Variants in EPGN observed in about 807,000 individuals in gnomAD.
EPGN encodes epithelial mitogen, also known as epigen.
Under a neutral mutation model 20.7 loss-of-function variants are expected in EPGN, and 21 were observed. The observed-to-expected ratio is 1.01, with a 90% CI of 0.72 to 1.46. The LOEUF is 1.46. Ranked by LOEUF, EPGN falls within the 40% of genes most tolerant of loss-of-function variation. The pLI is 0.00. For synonymous variants in EPGN, 69 were observed against 63.8 expected (o/e 1.08, Z -0.39); for missense variants, 199 against 180.7 (o/e 1.10, Z -0.58).
At position 74,314,349 on chromosome 4, in the gene EPGN, C is replaced by T. The variant is rs867988794; in HGVS notation, c.408-231C>T. Reference sequence around the variant, plus strand: ...GGGGTAAGGAACAGGGGCTTGTAATCTCCCAGCAATCTCCTGGCAGGGCAC... The same window carrying T: ...GGGGTAAGGAACAGGGGCTTGTAATTTCCCAGCAATCTCCTGGCAGGGCAC... On this transcript the variant is annotated intron_variant, in intron 4 of 4. Coordinates refer to ENST00000413830, the MANE Select transcript of EPGN (RefSeq NM_001270989.2). The T allele has an allele frequency of 6.8e-6, 4 of 586,092 alleles. No individual in the cohort carries two copies. The Middle Eastern group carries it at 1.3e-3, about 184-fold the overall frequency. 36.3% of individuals were successfully genotyped at this position (586,092 alleles called of 1,614,324 possible).
At position 74,310,461 on chromosome 4, in the gene EPGN, C is replaced by CAAAAA. The variant is rs10586282; in HGVS notation, c.133+1299_133+1303dup. On this transcript the variant is annotated intron_variant, in intron 2 of 4. Coordinates refer to ENST00000413830, the MANE Select transcript of EPGN (RefSeq NM_001270989.2). ...GGGGTGACAGAGTGAGAGTCCGTCT[C>CAAAAA]AAAAAAAAAAAAAAAAAAAAAAAAG... Among the ~76,000 whole-genome samples, 192 of 43,138 alleles carry CAAAAA rather than the reference C, an allele frequency of 4.5e-3. 2 individuals are homozygous for CAAAAA. The highest frequency in any genetic ancestry group is 8.8e-3 in the Non-Finnish European group (138 of 15,680). The allele number at this position is 43,138 out of a possible 152,430, so 28.3% of individuals were successfully genotyped here. A position where few individuals can be genotyped will look rare whatever the true frequency, so the allele number is the denominator to read the frequency against.
intron 3 of EPGN, 29 bp from the exon 4 acceptor site, chr4:74,312,989 A>T (rs772540254): frequency 3.5e-5 from 54 of 1,544,756 alleles, no homozygotes; most frequent in Non-Finnish European, 4.4e-6. Flanking sequence ...CGTAGGTTTT[A>T]AAATTAAACT....
Position 74,313,084 on chromosome 4 carries a change from T to C in EPGN, c.321T>C (p.Ser107=). ...CTTTAACTTCATATGCTGTGGATTC[T>C]TATGAAAAATACATTGCAATTGGGA... ...HLTLTSYAVD[S]YEKYIAIGIG... The change falls in exon 4 of 5, where the codon TCT becomes TCC. Residue 107 remains serine (S), a synonymous_variant. Transcript: ENST00000413830. The C allele has an allele frequency of 6.2e-7, 1 of 1,613,452 alleles. No individual in the cohort carries two copies. Among genetic ancestry groups the C allele is most frequent in the Non-Finnish European group, 8.5e-7 (1 of 1,179,678 alleles).
At chr4:74,310,661 G>T (rs550233502) in intron 2 of EPGN, among the ~76,000 whole-genome samples, 2 of 151,882 alleles carry the variant, frequency 1.3e-5, no homozygotes, top group African/African-American at 4.8e-5. Context: ...GTCATCCTCC[G>T]TTATTGGTTG....
At position 74,314,585 on chromosome 4, in the gene EPGN, T is replaced by C. The variant is rs1347915505; in HGVS notation, c.413T>C (p.Leu138Pro). The change falls in exon 5 of 5, where the codon CTA becomes CCA. Residue 138 changes from leucine (L) to proline (P), a missense_variant. Leu to Pro is a moderately conservative substitution (Grantham distance 98, BLOSUM62 -3). Coordinates refer to ENST00000413830, the MANE Select transcript of EPGN (RefSeq NM_001270989.2). The stretch of plus-strand genomic sequence containing the variant: ...AAACCAATGCTCTGTTTCAGGTGTC[T>C]AAAATTGAAATCGCCTTACAATGTC... ...IFYCYIRKRC[L>P]KLKSPYNVCS... 6.5e-7 allele frequency: 1 copy of C among 1,536,052 alleles called. No homozygotes were observed. Among genetic ancestry groups the C allele is most frequent in the East Asian group, 2.4e-5 (1 of 40,918 alleles).
chr4:74,316,707 A>G lies in EPGN; in HGVS notation c.*2070A>G, dbSNP rs1167667370. ...CTTCCTGAGTATTTCAAAAAGATGT[A>G]AAAGAGCTGGGGAGAGTATGGGAAG... On this transcript the variant is annotated 3_prime_UTR_variant, in exon 5 of 5. Transcript: ENST00000413830. Among the ~76,000 whole-genome samples the G allele has an allele frequency of 6.6e-6, 1 of 152,182 alleles. No individual in the cohort carries two copies. The highest frequency in any genetic ancestry group is 1.5e-5 in the Non-Finnish European group (1 of 68,028).
At chr4:74,310,480 AAAAAAG>A (rs1750860659) in intron 2 of EPGN, among the ~76,000 whole-genome samples, 1 of 151,402 alleles carries the variant, frequency 6.6e-6, no homozygotes, top group Admixed American at 6.6e-5. Flanking sequence ...AAAAAAAAAA[AAAAAAG>A]AAGATAATAT....
At chr4:74,310,232 C>A (rs1040524997) in intron 2 of EPGN, among the ~76,000 whole-genome samples, 1 of 151,806 alleles carries the variant, frequency 6.6e-6, no homozygotes, top group African/African-American at 2.4e-5. Flanking sequence ...GAGGCCAAGG[C>A]GGGCAGATCA....
rs1367553173 is a variant in EPGN at position 74,314,843 on chromosome 4, G to A, written c.*206G>A. ...GGAGTGATGGAAGCCAAGTGAACAA[G>A]CCTCAGTGACACAAGTCAAATTCAT... On this transcript the variant is annotated 3_prime_UTR_variant, in exon 5 of 5. Transcript: ENST00000413830. 3 of 567,870 alleles carry A rather than the reference G, an allele frequency of 5.3e-6. No individual in the cohort carries two copies. The highest frequency in any genetic ancestry group is 3.8e-5 in the African/African-American group (2 of 52,714). 35.2% of individuals were successfully genotyped at this position (567,870 alleles called of 1,614,324 possible).
In EPGN at chr4:74,315,690, G is replaced by A. The variant is rs971806065; in HGVS notation, c.*1053G>A. On this transcript the variant is annotated 3_prime_UTR_variant, in exon 5 of 5. Coordinates refer to ENST00000413830, the MANE Select transcript of EPGN (RefSeq NM_001270989.2). ...ATCCAGGCCAGGCGTGGTGGTTCAC[G>A]CCTGTAATCCTAGCACTTTGGGAGG... 3.9e-5 allele frequency among the ~76,000 whole-genome samples: 6 copies of A among 152,208 alleles called. No homozygotes were observed. Among genetic ancestry groups the A allele is most frequent in the Non-Finnish European group, 5.9e-5 (4 of 68,012 alleles).
intron 2 of EPGN, among the ~76,000 whole-genome samples, chr4:74,310,729 T>C (rs1379420290): frequency 1.3e-5 from 2 of 152,146 alleles, no homozygotes; most frequent in African/African-American, 4.8e-5. Flanking sequence ...CCACAGATGC[T>C]CAAATCCCTT....
chr4:74,308,889 G>T (rs934611323), intron 1 of EPGN, among the ~76,000 whole-genome samples: 1 of 151,966 alleles, frequency 6.6e-6, no homozygotes, highest in Non-Finnish European at 1.5e-5. Context: ...CTTAAATATT[G>T]GGTTTTTATT....
At chr4:74,310,076 A>G (rs1750802449) in intron 2 of EPGN, among the ~76,000 whole-genome samples, 3 of 152,214 alleles carry the variant, frequency 2.0e-5, no homozygotes, top group South Asian at 4.1e-4. Context: ...AACGAAATCA[A>G]TGTGGGTTAT....
At position 74,309,104 on chromosome 4, in the gene EPGN, C is replaced by T. The variant is rs1212446205; in HGVS notation, c.55C>T (p.Leu19=). The part of the protein sequence containing the change: ...VYLLFNAMTA[L]TEEAAVTVTP... The stretch of plus-strand genomic sequence containing the variant: ...CCCCCTTAATACAGCAATGACAGCA[C>T]TGACCGAAGAGGCAGCCGTGACTGT... The change falls in exon 2 of 5, where the codon CTG becomes TTG. Residue 19 remains leucine (L), a synonymous_variant. Transcript: ENST00000413830. 3 of 1,613,108 alleles carry T rather than the reference C, an allele frequency of 1.9e-6. No individual in the cohort carries two copies. In the South Asian group the frequency reaches 3.3e-5, roughly 18 times the overall value.
rs1751191881 is a variant in EPGN, at chr4:74,314,777, G to A, written c.*140G>A. The A allele has an allele frequency of 1.2e-6, 1 of 823,628 alleles. No individual in the cohort carries two copies. Among genetic ancestry groups the A allele is most frequent in the Non-Finnish European group, 1.9e-6 (1 of 534,092 alleles). The allele number at this position is 823,628 out of a possible 1,614,324, so 51.0% of individuals were successfully genotyped here. On this transcript the variant is annotated 3_prime_UTR_variant, in exon 5 of 5. Coordinates refer to ENST00000413830, the MANE Select transcript of EPGN (RefSeq NM_001270989.2). Reference sequence around the variant, plus strand: ...AGTTGGGATCACAATGAAATGAGAAGATAAAATTCAGCGTTGGCCTTTAGA... The same window carrying A: ...AGTTGGGATCACAATGAAATGAGAAAATAAAATTCAGCGTTGGCCTTTAGA...
intron 1 of EPGN, 36 bp from the exon 2 acceptor site, chr4:74,309,057 C>A: frequency 6.8e-7 from 1 of 1,471,288 alleles, no homozygotes. Context: ...TAGAAGGAGG[C>A]TCTCTGTTAA....
chr4:74,310,913 T>G (rs1422245256), intron 2 of EPGN, among the ~76,000 whole-genome samples: 3 of 146,806 alleles, frequency 2.0e-5, no homozygotes, highest in African/African-American at 7.3e-5. Flanking sequence ...TACAGATGCT[T>G]TTTTTTCAAA....
chr4:74,308,971 T>A, intron 1 of EPGN, 122 bp from the exon 2 acceptor site: 1 of 742,038 alleles, frequency 1.3e-6, no homozygotes, highest in Non-Finnish European at 2.3e-6. Context: ...ACGTTATGGA[T>A]TTCAACTGTA....
intron 4 of EPGN, 113 bp downstream of exon 4, chr4:74,313,283 GA>G: frequency 1.4e-6 from 2 of 1,424,274 alleles, no homozygotes; most frequent in Non-Finnish European, 1.8e-6. Flanking sequence ...AATTAAAAAA[GA>G]GCTGTAATCT....
Sources: allele counts gnomAD v4.1 joint callset (sites outside exome capture counted in the v4.1 genomes callset), GRCh38; gene constraint gnomAD v4.1.1; transcripts MANE v1.5; gene names NCBI Gene and HGNC (gene_info 2026-07-23, HGNC 2026-07-21).